TACR1: variants seen among roughly 807,000 people sequenced by gnomAD.
The protein encoded by TACR1 is tachykinin receptor 1.
A neutral mutation model predicts 35.8 loss-of-function variants in TACR1; 25 were observed. The observed-to-expected ratio is 0.70, with a 90% CI of 0.51 to 0.98. TACR1 has a LOEUF of 0.98. TACR1 is among the 50% of genes least tolerant of loss of function. The pLI is 0.00. For missense variants in TACR1, 478 were observed against 522.9 expected (o/e 0.91, Z 0.84); for synonymous variants, 195 against 206.7 (o/e 0.94, Z 0.48).
At chr2:75,178,217 C>G (rs1675474610) in intron 1 of TACR1, among the ~76,000 whole-genome samples, 1 of 150,700 alleles carries the variant, frequency 6.6e-6, no homozygotes. Context: ...GAGTTTCGCT[C>G]TTTGTTGCCC....
chr2:75,162,232 C>T (rs1288520854), intron 1 of TACR1, among the ~76,000 whole-genome samples: 1 of 152,098 alleles, frequency 6.6e-6, no homozygotes, highest in Admixed American at 6.5e-5. Context: ...CAAAAGAATA[C>T]AGCCATCCAA....
intron 1 of TACR1, among the ~76,000 whole-genome samples, chr2:75,150,384 G>A (rs1372295137): frequency 6.6e-6 from 1 of 152,184 alleles, no homozygotes; most frequent in Non-Finnish European, 1.5e-5. Context: ...CCATATGTTG[G>A]GAGGGACCCA....
In TACR1 at chr2:75,060,730, A is replaced by T. The variant is rs997395334; in HGVS notation, c.585-6975T>A. Among the ~76,000 whole-genome samples, 3 of 152,190 alleles carry T rather than the reference A, an allele frequency of 2.0e-5. No individual in the cohort carries two copies. The East Asian group carries it at 5.8e-4, about 29-fold the overall frequency. ...GTGCTCTGGCAATAGTGGAGCATGG[A>T]TGGAGGTGGAAAAGTCCAGAGGCAG... On this transcript the variant is annotated intron_variant, in intron 2 of 4. Coordinates refer to ENST00000305249, the MANE Select transcript of TACR1 (RefSeq NM_001058.4).
At chr2:75,085,164 G>T (rs1673167371) in intron 2 of TACR1, among the ~76,000 whole-genome samples, 1 of 151,924 alleles carries the variant, frequency 6.6e-6, no homozygotes, top group South Asian at 2.1e-4. Context: ...CATTTCTTAA[G>T]CCGATGCATC....
intron 2 of TACR1, among the ~76,000 whole-genome samples, chr2:75,074,066 A>G (rs1428028613): frequency 6.6e-6 from 1 of 152,224 alleles, no homozygotes; most frequent in Non-Finnish European, 1.5e-5. Flanking sequence ...AAGCATACAT[A>G]CCAGAATTTA....
chr2:75,145,114 C>T (rs1225257773), intron 1 of TACR1, among the ~76,000 whole-genome samples: 1 of 152,148 alleles, frequency 6.6e-6, no homozygotes, highest in East Asian at 1.9e-4. Flanking sequence ...CTGTTAATAT[C>T]ATTTATTGTA....
intron 1 of TACR1, among the ~76,000 whole-genome samples, chr2:75,142,731 A>G (rs904197774): frequency 1.3e-5 from 2 of 152,158 alleles, no homozygotes; most frequent in South Asian, 2.1e-4. Flanking sequence ...TTACCAGAGG[A>G]GAGGGCAATC....
intron 2 of TACR1, among the ~76,000 whole-genome samples, chr2:75,089,950 A>G (rs942460862): frequency 6.6e-6 from 1 of 152,190 alleles, no homozygotes; most frequent in Non-Finnish European, 1.5e-5. Flanking sequence ...GCTCATTACC[A>G]TCTTAATCTT....
chr2:75,179,935 GACTAATA>G (rs1486983030), intron 1 of TACR1, among the ~76,000 whole-genome samples: 1 of 152,180 alleles, frequency 6.6e-6, no homozygotes, highest in Non-Finnish European at 1.5e-5. Flanking sequence ...AGCCTGCCCT[GACTAATA>G]ATTGTGGTCT....
At chr2:75,136,653 A>G (rs1674298417) in intron 1 of TACR1, among the ~76,000 whole-genome samples, 1 of 152,110 alleles carries the variant, frequency 6.6e-6, no homozygotes. Context: ...AAGTCCCCTT[A>G]CTCTCATCAA....
chr2:75,051,972 A>G (rs1265385188), intron 3 of TACR1, among the ~76,000 whole-genome samples: 1 of 152,148 alleles, frequency 6.6e-6, no homozygotes, highest in African/African-American at 2.4e-5. Flanking sequence ...AGCTAGGGCA[A>G]GCTGCTTGGT....
chr2:75,136,390 A>G (rs1674291229), intron 1 of TACR1, among the ~76,000 whole-genome samples: 1 of 152,220 alleles, frequency 6.6e-6, no homozygotes, highest in Non-Finnish European at 1.5e-5. Context: ...AAGCCACCTG[A>G]GTCAGAAAGA....
Position 75,053,895 on chromosome 2 carries a change from CA to C in TACR1, c.585-141del, listed in dbSNP as rs1672519357. The C allele has an allele frequency of 2.7e-6, 3 of 1,120,840 alleles. No homozygotes were observed. The Admixed American group carries it at 6.3e-5, about 24-fold the overall frequency. 69.4% of individuals were successfully genotyped at this position (1,120,840 alleles called of 1,614,324 possible). On this transcript the variant is annotated intron_variant, in intron 2 of 4. Coordinates refer to ENST00000305249, the MANE Select transcript of TACR1 (RefSeq NM_001058.4). ...ATTAATAAGCTTGGGCTGTAAAGCC[CA>C]CTCCAGGGAGACTTGTCACCTGCAT...
At chr2:75,185,531 A>C (rs1226940815) in intron 1 of TACR1, among the ~76,000 whole-genome samples, 2 of 152,190 alleles carry the variant, frequency 1.3e-5, no homozygotes, top group Non-Finnish European at 2.9e-5. Context: ...TGGAATTTAA[A>C]AATTAAGATT....
intron 1 of TACR1, among the ~76,000 whole-genome samples, chr2:75,185,776 C>T (rs1675678729): frequency 6.6e-6 from 1 of 152,168 alleles, no homozygotes; most frequent in African/African-American, 2.4e-5. Flanking sequence ...CAGAATGAAG[C>T]AAAAGGCTTA....
chr2:75,186,085 A>T (rs1367646599), intron 1 of TACR1, among the ~76,000 whole-genome samples: 1 of 152,172 alleles, frequency 6.6e-6, no homozygotes, highest in East Asian at 1.9e-4. Flanking sequence ...ATAGAAAGAA[A>T]GTCTTGGGCC....
At chr2:75,153,784 G>A (rs1674729208) in intron 1 of TACR1, among the ~76,000 whole-genome samples, 1 of 152,188 alleles carries the variant, frequency 6.6e-6, no homozygotes, top group African/African-American at 2.4e-5. Context: ...AAGGGAGGAG[G>A]TGGTTTTAAC....
chr2:75,146,123 AT>A (rs974761725), intron 1 of TACR1, among the ~76,000 whole-genome samples: 5 of 151,722 alleles, frequency 3.3e-5, no homozygotes, highest in African/African-American at 4.8e-5. Context: ...CCTTTTTAAA[AT>A]TTTTTTTCTA....
intron 1 of TACR1, among the ~76,000 whole-genome samples, chr2:75,131,675 T>G (rs1445810917): frequency 6.6e-6 from 1 of 152,214 alleles, no homozygotes; most frequent in Non-Finnish European, 1.5e-5. Flanking sequence ...AAGCAGTAGT[T>G]GAAATTTATA....
Sources: allele counts gnomAD v4.1 joint callset (sites outside exome capture counted in the v4.1 genomes callset), GRCh38; gene constraint gnomAD v4.1.1; transcripts MANE v1.5; gene names NCBI Gene and HGNC (gene_info 2026-07-23, HGNC 2026-07-21).